The following CD200 variants were observed in gnomAD, a reference collection of about 807,000 sequenced individuals.
CD200 encodes CD200 molecule.
CD200 carries 15 observed loss-of-function variants against 30.9 expected under a neutral mutation model. The observed-to-expected ratio is 0.49, with a 90% CI of 0.32 to 0.75. The LOEUF (loss-of-function observed/expected upper bound fraction) is 0.75. CD200 is among the 30% of genes least tolerant of loss of function. The probability of loss-of-function intolerance (pLI) is 0.03; values close to 1 mark genes in which losing one functional copy is unlikely to be tolerated. For missense variants in CD200, 262 were observed against 324.2 expected, an observed-to-expected ratio of 0.81 and a Z score of 1.47; for synonymous variants, 134 against 126.2, an observed-to-expected ratio of 1.06 and a Z score of -0.41.
At chr3:112,347,962 AAAC>A in intron 4 of CD200, 132 bp downstream of exon 4, 3 of 748,348 alleles carry the variant, frequency 4.0e-6, no homozygotes, top group Non-Finnish European at 6.3e-6. Flanking sequence ...AATAAGGAAA[AAAC>A]AAAACAAAAC....
intron 1 of CD200, 50 bp from the exon 2 acceptor site, chr3:112,340,852 A>C: frequency 8.7e-7 from 1 of 1,149,180 alleles, no homozygotes; most frequent in Non-Finnish European, 1.3e-6. Flanking sequence ...GCTTCCTTGG[A>C]TTTGTCCAAA....
chr3:112,360,620 T>A (rs538096818), intron 5 of CD200, among the ~76,000 whole-genome samples: 2 of 152,312 alleles, frequency 1.3e-5, no homozygotes, highest in South Asian at 4.1e-4. Flanking sequence ...CTTTCCATGG[T>A]CCATTGATAT....
chr3:112,344,181 T>C (rs2081331583), intron 2 of CD200, among the ~76,000 whole-genome samples: 1 of 152,248 alleles, frequency 6.6e-6, no homozygotes, highest in Non-Finnish European at 1.5e-5. Context: ...ATATCTTTAT[T>C]CATTTTGTAT....
intron 1 of CD200, chr3:112,333,533 G>A (rs1415756501): frequency 5.1e-6 from 5 of 985,438 alleles, no homozygotes; most frequent in Non-Finnish European, 6.0e-6. Context: ...GACGAAGCTG[G>A]CGCATCCTCC....
intron 1 of CD200, 31 bp downstream of exon 1, chr3:112,333,255 C>T (rs1380380635): frequency 2.9e-5 from 45 of 1,546,926 alleles, no homozygotes; most frequent in African/African-American, 4.1e-5. Flanking sequence ...GGAAGGAGGG[C>T]GCAGGGCAGG....
intron 1 of CD200, among the ~76,000 whole-genome samples, chr3:112,337,826 G>A (rs1421516664): frequency 2.0e-5 from 3 of 152,170 alleles, no homozygotes; most frequent in Non-Finnish European, 4.4e-5. Context: ...ATACCAGTTG[G>A]TGGATGGTGC....
At chr3:112,359,258 GACAA>G (rs1182100702) in intron 5 of CD200, among the ~76,000 whole-genome samples, 2 of 151,960 alleles carry the variant, frequency 1.3e-5, no homozygotes, top group African/African-American at 2.4e-5. Flanking sequence ...AAAAAAAACA[GACAA>G]ACAACAACAA....
At chr3:112,338,346 G>A (rs79408930) in intron 1 of CD200, among the ~76,000 whole-genome samples, 2,614 of 152,232 alleles carry the variant, frequency 0.017, 84 homozygotes, top group African/African-American at 0.059. Context: ...GTAAAATGAC[G>A]ATTAATTTGA....
At chr3:112,358,545 G>A (rs2081673021) in intron 5 of CD200, among the ~76,000 whole-genome samples, 2 of 152,168 alleles carry the variant, frequency 1.3e-5, no homozygotes, top group East Asian at 1.9e-4. Flanking sequence ...TTTTGTAGGA[G>A]TATGGGAAGA....
chr3:112,333,652 T>C (rs2081048474), intron 1 of CD200: 3 of 985,428 alleles, frequency 3.0e-6, no homozygotes, highest in Non-Finnish European at 2.4e-6. Context: ...GGTTCCATAT[T>C]GGCACCAAAA....
chr3:112,340,063 A>G lies in CD200; in HGVS notation c.13-839A>G, dbSNP rs72952404. Among the ~76,000 whole-genome samples the G allele has an allele frequency of 6.1e-3, 925 of 152,386 alleles. 11 individuals are homozygous for G. The highest frequency in any genetic ancestry group is 0.021 in the African/African-American group (873 of 41,600). Reference sequence around the variant, plus strand: ...TCCAGTTGGAATAGTAACATGAAATAAAAATAAAGTTCAGTTAAAAACAGA... The same window carrying G: ...TCCAGTTGGAATAGTAACATGAAATGAAAATAAAGTTCAGTTAAAAACAGA... On this transcript the variant is annotated intron_variant, in intron 1 of 5. Coordinates refer to ENST00000315711, the MANE Select transcript of CD200 (RefSeq NM_005944.7).
intron 1 of CD200, chr3:112,336,101 A>G (rs2081109751): frequency 1.1e-6 from 1 of 909,650 alleles, no homozygotes; most frequent in African/African-American, 1.7e-5. Context: ...ATATAAGATT[A>G]ATGTTTGTGA....
At chr3:112,333,094 C>G (rs554503855), upstream of CD200, 6 of 1,456,402 alleles carry the variant, frequency 4.1e-6, no homozygotes, top group Non-Finnish European at 5.6e-6. Context: ...AGGGGGCTAG[C>G]GAGGAGGAAG....
intron 1 of CD200, chr3:112,333,612 C>T (rs1228524349): frequency 1.0e-6 from 1 of 985,276 alleles, no homozygotes; most frequent in African/African-American, 1.7e-5. Context: ...TTTTAAACTG[C>T]CCCCAAAAGG....
chr3:112,342,161 C>T (rs2081252899), intron 2 of CD200, among the ~76,000 whole-genome samples: 1 of 151,884 alleles, frequency 6.6e-6, no homozygotes, highest in Non-Finnish European at 1.5e-5. Context: ...TATTAATTCA[C>T]TGCGATATTT....
intron 1 of CD200, among the ~76,000 whole-genome samples, chr3:112,338,131 T>C (rs539959360): frequency 2.0e-5 from 3 of 152,212 alleles, no homozygotes; most frequent in African/African-American, 7.2e-5. Flanking sequence ...AAGACAAGAC[T>C]ACTGCACAAA....
intron 1 of CD200, chr3:112,334,230 A>C: frequency 1.0e-6 from 1 of 985,174 alleles, no homozygotes; most frequent in Non-Finnish European, 1.2e-6. Context: ...GGTAATGTGG[A>C]TTTGGACATA....
intron 2 of CD200, among the ~76,000 whole-genome samples, chr3:112,343,194 CAG>C (rs998627765): frequency 6.6e-6 from 1 of 151,424 alleles, no homozygotes; most frequent in African/African-American, 2.4e-5. Context: ...TATACACACA[CAG>C]AGAGAGAGAT....
intron 1 of CD200, chr3:112,333,584 C>G (rs1401800398): frequency 1.0e-6 from 1 of 985,314 alleles, no homozygotes; most frequent in Non-Finnish European, 1.2e-6. Flanking sequence ...GCTCCCAAAA[C>G]TGGGGAGGCA....
Sources: gnomAD v4.1 joint callset for allele counts (sites outside exome capture counted in the v4.1 genomes callset) on GRCh38, gnomAD v4.1.1 for gene constraint, MANE v1.5 for transcripts, NCBI Gene and HGNC (gene_info 2026-07-23, HGNC 2026-07-21) for gene names.